HEXB: variants seen among roughly 807,000 people sequenced by gnomAD.
HEXB encodes the protein hexosaminidase subunit beta, also known as beta-hexosaminidase subunit beta.
A neutral mutation model predicts 71.2 loss-of-function variants in HEXB; 51 were observed. The observed-to-expected ratio is 0.72, with a 90% CI of 0.57 to 0.90. The LOEUF is 0.90. Ranked by LOEUF, HEXB falls within the 40% of genes least tolerant of loss-of-function variation. The probability of loss-of-function intolerance (pLI) is 0.00; values close to 1 mark genes in which losing one functional copy is unlikely to be tolerated. For missense variants in HEXB, 617 were observed against 677.0 expected (o/e 0.91, Z 0.98); for synonymous variants, 266 against 249.3 (o/e 1.07, Z -0.63).
intron 1 of HEXB, among the ~76,000 whole-genome samples, chr5:74,661,513 CTGTGTGTGTGTGTGTGTGTGTGTGTG>C (rs1179218651): frequency 2.4e-5 from 2 of 84,930 alleles, no homozygotes; most frequent in African/African-American, 3.2e-5. Context: ...TTCTCTCTCT[CTGTGTGTGTGTGTGTGTGTGTGTGTG>C]TGTGTGTGTG....
chr5:74,671,099 T>G (rs182153599), intron 1 of HEXB, among the ~76,000 whole-genome samples: 2 of 152,044 alleles, frequency 1.3e-5, no homozygotes, highest in African/African-American at 4.8e-5. Context: ...CCTCAAGGGA[T>G]AGGGTGGTAC....
At chr5:74,653,548 A>T (rs1748162513) in intron 1 of HEXB, among the ~76,000 whole-genome samples, 1 of 152,186 alleles carries the variant, frequency 6.6e-6, no homozygotes, top group South Asian at 2.1e-4. Context: ...CAGGATCTCA[A>T]CTTTAAACCA....
rs1003639786 is a variant in HEXB, at chr5:74,664,770, G to A, written c.-377+24212G>A. Among the ~76,000 whole-genome samples, 10 of 152,238 alleles carry A rather than the reference G, an allele frequency of 6.6e-5. No individual in the cohort carries two copies. In the East Asian group the frequency reaches 1.5e-3, roughly 24 times the overall value. ...AACAAATAAAATTTTCCAGCTCATCGTCCAAGTTAAGAGGCAAGTATCAAG... is the reference window on the plus strand; with the variant it reads ...AACAAATAAAATTTTCCAGCTCATCATCCAAGTTAAGAGGCAAGTATCAAG... On this transcript the variant is annotated intron_variant, in intron 1 of 13. Transcript: ENST00000511181.
In HEXB at chr5:74,670,698, C is replaced by A. The variant is rs79051333; in HGVS notation, c.-376-18630C>A. 8.5e-3 allele frequency among the ~76,000 whole-genome samples: 1,302 copies of A among 152,316 alleles called. 26 individuals are homozygous for A. Among genetic ancestry groups the A allele is most frequent in the African/African-American group, 0.029 (1,198 of 41,570 alleles). On this transcript the variant is annotated intron_variant, in intron 1 of 13. Coordinates refer to the HEXB transcript ENST00000511181. ...AGCTAATTAGCACTCTGTAACACCC[C>A]CTCTGGGACTTTGGGGTCATGGGTG...
intron 1 of HEXB, among the ~76,000 whole-genome samples, chr5:74,659,356 G>T (rs895049640): frequency 8.5e-5 from 13 of 152,116 alleles, no homozygotes; most frequent in African/African-American, 2.9e-4. Context: ...CTTGAAACAC[G>T]CTGGACAGCA....
chr5:74,701,515 C>T (rs913519898), intron 5 of HEXB, among the ~76,000 whole-genome samples: 1 of 152,018 alleles, frequency 6.6e-6, no homozygotes, highest in Admixed American at 6.5e-5. Flanking sequence ...ATACTAAATT[C>T]CAATAAATAT....
At position 74,685,411 on chromosome 5, in the gene HEXB, A is replaced by G. The variant is rs753069268; in HGVS notation, c.151A>G (p.Lys51Glu). 1 of 1,597,896 alleles carries G rather than the reference A, an allele frequency of 6.3e-7. No individual in the cohort carries two copies. Among genetic ancestry groups the G allele is most frequent in the Non-Finnish European group, 8.5e-7 (1 of 1,174,460 alleles). The change falls in exon 1 of 14, where the codon AAG (lysine) becomes GAG (glutamate). Residue 51 changes from lysine to glutamate, a missense_variant. Lys to Glu is a moderately conservative substitution (Grantham distance 56). Transcript: ENST00000261416. ...EAARAPSVSAKPGPALWPLPL... is the reference protein window; with the variant it reads ...EAARAPSVSAEPGPALWPLPL... ...GGCTCGGGCCCCGAGCGTCTCGGCCAAGCCGGGGCCGGCGCTGTGGCCCCT... is the reference window on the plus strand; with the variant it reads ...GGCTCGGGCCCCGAGCGTCTCGGCCGAGCCGGGGCCGGCGCTGTGGCCCCT...
At chr5:74,705,091 CAAAAAAAAAAAA>C (rs10644603) in intron 5 of HEXB, 116 bp from the exon 6 acceptor site, 1 of 351,050 alleles carries the variant, frequency 2.8e-6, no homozygotes, top group South Asian at 2.9e-5. Context: ...GACCCTGTCT[CAAAAAAAAAAAA>C]AAAAAAAAAG....
At chr5:74,715,457 A>G in intron 7 of HEXB, 53 bp from the exon 8 acceptor site, 1 of 1,226,278 alleles carries the variant, frequency 8.2e-7, no homozygotes, top group South Asian at 1.2e-5. Flanking sequence ...GGAAAACCAG[A>G]TCTTTATAAT....
intron 13 of HEXB, 100 bp from the exon 14 acceptor site, chr5:74,721,006 TTAGTGATTCTAA>T (rs1160830824): frequency 1.0e-6 from 1 of 972,136 alleles, no homozygotes; most frequent in Non-Finnish European, 1.6e-6. Context: ...ATGCTGTGAT[TTAGTGATTCTAA>T]TTTAAGTTTC....
intron 5 of HEXB, 94 bp downstream of exon 5, chr5:74,697,200 CA>C: frequency 1.4e-6 from 1 of 735,532 alleles, no homozygotes; most frequent in East Asian, 2.6e-5. Flanking sequence ...TAGTTTGGAA[CA>C]GGGGAATTTG....
At chr5:74,659,792 C>G (rs1292206634) in intron 1 of HEXB, among the ~76,000 whole-genome samples, 1 of 152,092 alleles carries the variant, frequency 6.6e-6, no homozygotes, top group African/African-American at 2.4e-5. Context: ...CTTCTTCAAC[C>G]CAGGAAATTG....
At chr5:74,700,502 T>C (rs1056462473) in intron 5 of HEXB, among the ~76,000 whole-genome samples, 1 of 151,972 alleles carries the variant, frequency 6.6e-6, no homozygotes, top group African/African-American at 2.4e-5. Flanking sequence ...AGATAGGGTC[T>C]CACCATAATG....
At chr5:74,685,655 G>A (rs998944499) in intron 1 of HEXB, 96 bp downstream of exon 1, 14 of 1,155,754 alleles carry the variant, frequency 1.2e-5, no homozygotes, top group Non-Finnish European at 1.7e-5. Context: ...CCACTGCGCA[G>A]ACGAGAAACC....
chr5:74,698,885 T>TA (rs1228522776), intron 5 of HEXB, among the ~76,000 whole-genome samples: 1 of 151,896 alleles, frequency 6.6e-6, no homozygotes, highest in Non-Finnish European at 1.5e-5. Context: ...ATTTTAGACT[T>TA]AAAAAATGAA....
intron 1 of HEXB, among the ~76,000 whole-genome samples, chr5:74,673,263 A>G (rs1748571555): frequency 6.6e-6 from 1 of 152,228 alleles, no homozygotes. Context: ...TGGACAGGCC[A>G]GTTTAGCTCC....
rs1469356854 is a variant in HEXB, at chr5:74,665,555, A to G, written c.-376-23773A>G. Among the ~76,000 whole-genome samples, 4 of 152,212 alleles carry G rather than the reference A, an allele frequency of 2.6e-5. No individual in the cohort carries two copies. The East Asian group carries it at 7.7e-4, about 29-fold the overall frequency. On this transcript the variant is annotated intron_variant, in intron 1 of 13. Coordinates refer to the HEXB transcript ENST00000511181. ...TCTTCTTGGAAACCTACAAAGGACT[A>G]TAAAAATAGAGACTACACAGGTGGG...
At chr5:74,654,248 C>T (rs144750815) in intron 1 of HEXB, among the ~76,000 whole-genome samples, 2 of 152,198 alleles carry the variant, frequency 1.3e-5, no homozygotes, top group South Asian at 2.1e-4. Flanking sequence ...AATGTGCACA[C>T]GAATCACTTG....
intron 5 of HEXB, among the ~76,000 whole-genome samples, chr5:74,704,238 C>G (rs970617431): frequency 1.4e-4 from 22 of 152,300 alleles, no homozygotes; most frequent in African/African-American, 5.3e-4. Flanking sequence ...CTTTTATCCT[C>G]AATATATTTA....
Sources: gnomAD v4.1 joint callset for allele counts (sites outside exome capture counted in the v4.1 genomes callset) on GRCh38, gnomAD v4.1.1 for gene constraint, MANE v1.5 for transcripts, NCBI Gene and HGNC (gene_info 2026-07-23, HGNC 2026-07-21) for gene names.